MYO16: variants seen among roughly 807,000 people sequenced by gnomAD.
MYO16 encodes the protein myosin XVI.
Under a neutral mutation model 205.3 loss-of-function variants are expected in MYO16, and 94 were observed. The observed-to-expected ratio is 0.46, with a 90% CI of 0.39 to 0.54. The LOEUF (loss-of-function observed/expected upper bound fraction) is 0.54. Among genes scored for constraint, MYO16 ranks in the 20% least tolerant of loss-of-function variants. The pLI, the probability that MYO16 is intolerant of heterozygous loss-of-function variation, is 0.00. For missense variants in MYO16, 2,315 were observed against 2,387.5 expected (o/e 0.97, Z 0.63); for synonymous variants, 988 against 954.0 (o/e 1.04, Z -0.66).
At chr13:108,896,906 A>G (rs1307585428) in intron 14 of MYO16, among the ~76,000 whole-genome samples, 1 of 151,880 alleles carries the variant, frequency 6.6e-6, no homozygotes, top group African/African-American at 2.4e-5. Flanking sequence ...CAGGAGGCAG[A>G]GGTTGCAGTA....
At chr13:108,777,462 G>A (rs1566321829) in intron 4 of MYO16, among the ~76,000 whole-genome samples, 2 of 152,162 alleles carry the variant, frequency 1.3e-5, no homozygotes, top group African/African-American at 2.4e-5. Context: ...GGACCCTCAG[G>A]GATTGAAATG....
chr13:109,166,027 A>G (rs1369085207), intron 33 of MYO16, among the ~76,000 whole-genome samples: 1 of 152,194 alleles, frequency 6.6e-6, no homozygotes, highest in Non-Finnish European at 1.5e-5. Context: ...AGGCTTCAAA[A>G]CATTCATAGA....
intron 11 of MYO16, among the ~76,000 whole-genome samples, chr13:108,859,140 T>C (rs1042051752): frequency 3.9e-5 from 6 of 152,166 alleles, no homozygotes; most frequent in African/African-American, 1.4e-4. Context: ...CTTATTTAGA[T>C]TCTTATAAAT....
At chr13:108,880,707 G>T (rs1879571227) in intron 12 of MYO16, among the ~76,000 whole-genome samples, 1 of 152,080 alleles carries the variant, frequency 6.6e-6, no homozygotes, top group Admixed American at 6.6e-5. Flanking sequence ...GCTCTATTCT[G>T]TTCCATTGGT....
intron 27 of MYO16, among the ~76,000 whole-genome samples, chr13:109,067,451 A>G (rs964715917): frequency 6.6e-6 from 1 of 152,136 alleles, no homozygotes; most frequent in Non-Finnish European, 1.5e-5. Flanking sequence ...TCTCATCCCT[A>G]AGGGTGTCTC....
intron 23 of MYO16, among the ~76,000 whole-genome samples, chr13:109,044,524 A>C (rs1214730227): frequency 1.3e-5 from 2 of 152,130 alleles, no homozygotes; most frequent in Non-Finnish European, 1.5e-5. Flanking sequence ...GTGAAAAATG[A>C]ATCACTGATA....
chr13:108,770,911 A>G (rs1229600026), intron 4 of MYO16, among the ~76,000 whole-genome samples: 2 of 152,206 alleles, frequency 1.3e-5, no homozygotes, highest in African/African-American at 4.8e-5. Context: ...CAAGTTTTCT[A>G]AAATGGAGTG....
intron 32 of MYO16, among the ~76,000 whole-genome samples, chr13:109,152,644 C>A (rs1877739069): frequency 6.6e-6 from 1 of 152,190 alleles, no homozygotes; most frequent in Non-Finnish European, 1.5e-5. Flanking sequence ...GAATACATTT[C>A]CATTTCTGCG....
chr13:108,596,322 G>C (rs1345426711), intron 1 of MYO16: 2 of 152,176 alleles, frequency 1.3e-5, no homozygotes, highest in Non-Finnish European at 2.9e-5. Flanking sequence ...TTTTCCACAA[G>C]TGAATTTCAG....
At chr13:108,700,637 T>C (rs1042809384) in intron 2 of MYO16, among the ~76,000 whole-genome samples, 1 of 152,188 alleles carries the variant, frequency 6.6e-6, no homozygotes, top group Non-Finnish European at 1.5e-5. Flanking sequence ...TGTTTTTATA[T>C]AAAGTGACTC....
At chr13:108,601,649 G>T (rs962915436) in intron 1 of MYO16, among the ~76,000 whole-genome samples, 1 of 152,002 alleles carries the variant, frequency 6.6e-6, no homozygotes, top group Non-Finnish European at 1.5e-5. Flanking sequence ...GGACCCAGAG[G>T]CTATGCACAT....
In MYO16 at chr13:108,793,499, G is replaced by A. The variant is rs368348025; in HGVS notation, c.617-17G>A. ...AGTATCTCTCCATTCTGGTTGAAAG[G>A]CTCTTTCTCCCCACAGGAGTGGATT... On this transcript the variant is annotated splice_polypyrimidine_tract_variant and intron_variant, in intron 5 of 34. Transcript: ENST00000457511. 4 of 1,611,790 alleles carry A rather than the reference G, an allele frequency of 2.5e-6. No homozygotes were observed. Among genetic ancestry groups the A allele is most frequent in the Non-Finnish European group, 8.5e-7 (1 of 1,178,666 alleles).
intron 6 of MYO16, among the ~76,000 whole-genome samples, chr13:108,799,957 TCTCTG>T (rs1186885134): frequency 6.6e-6 from 1 of 152,314 alleles, no homozygotes; most frequent in African/African-American, 2.4e-5. Flanking sequence ...GGTATCTAGC[TCTCTG>T]ACCAAGAATT....
At chr13:109,067,844 T>G (rs1057145388) in intron 27 of MYO16, among the ~76,000 whole-genome samples, 1 of 152,006 alleles carries the variant, frequency 6.6e-6, no homozygotes, top group Non-Finnish European at 1.5e-5. Context: ...GAAAATCAGC[T>G]CAAAGAACAA....
chr13:108,844,953 G>A (rs1045848127), intron 10 of MYO16, among the ~76,000 whole-genome samples: 2 of 152,130 alleles, frequency 1.3e-5, no homozygotes, highest in South Asian at 4.1e-4. Context: ...GCGTGTGTGT[G>A]TGTGCATATG....
At chr13:109,154,095 A>G (rs1877850153) in intron 32 of MYO16, among the ~76,000 whole-genome samples, 1 of 152,248 alleles carries the variant, frequency 6.6e-6, no homozygotes, top group South Asian at 2.1e-4. Context: ...GCTCTTCCAG[A>G]ATTTCGAGAA....
chr13:108,593,225 A>G (rs576664516), upstream of MYO16, among the ~76,000 whole-genome samples: 2 of 152,318 alleles, frequency 1.3e-5, no homozygotes, highest in Non-Finnish European at 1.5e-5. Context: ...ACATAGCAGC[A>G]TTAAAATAAA....
intron 7 of MYO16, among the ~76,000 whole-genome samples, chr13:108,809,267 T>G (rs1190677199): frequency 1.3e-5 from 2 of 152,226 alleles, no homozygotes; most frequent in Non-Finnish European, 2.9e-5. Flanking sequence ...GACCTGAAAA[T>G]TTAAGCACAC....
At chr13:108,829,221 A>G (rs1378230595) in intron 9 of MYO16, among the ~76,000 whole-genome samples, 4 of 152,204 alleles carry the variant, frequency 2.6e-5, no homozygotes, top group Non-Finnish European at 5.9e-5. Context: ...TGATAGTAAT[A>G]ATAACTGTAT....
Sources: allele counts gnomAD v4.1 joint callset (sites outside exome capture counted in the v4.1 genomes callset), GRCh38; gene constraint gnomAD v4.1.1; transcripts MANE v1.5; gene names NCBI Gene and HGNC (gene_info 2026-07-23, HGNC 2026-07-21).